DISP3: variants seen among roughly 807,000 people sequenced by gnomAD.
DISP3 encodes the protein dispatched RND transporter family member 3, also known as protein dispatched homolog 3.
A neutral mutation model predicts 135.3 loss-of-function variants in DISP3; 101 were observed. The ratio of observed to expected loss-of-function variants is 0.75; its 90% CI spans 0.64 to 0.88. The LOEUF is 0.88. Among genes scored for constraint, DISP3 ranks in the 40% least tolerant of loss-of-function variants. The pLI is 0.00. For synonymous variants in DISP3, 856 were observed against 817.0 expected, an observed-to-expected ratio of 1.05 and a Z score of -0.81; for missense variants, 1,713 against 1,878.6, an observed-to-expected ratio of 0.91 and a Z score of 1.63.
intron 3 of DISP3, among the ~76,000 whole-genome samples, chr1:11,512,849 A>G (rs942899414): frequency 6.6e-6 from 1 of 152,162 alleles, no homozygotes; most frequent in African/African-American, 2.4e-5. Context: ...GCTGGGGAGG[A>G]CTCAGAATCA....
At chr1:11,533,856 C>T (rs760401375) in intron 17 of DISP3, 1 of 717,682 alleles carries the variant, frequency 1.4e-6, no homozygotes, top group Admixed American at 2.0e-5. Context: ...CATTCATCAT[C>T]CATGAGCACC....
In DISP3 at chr1:11,523,884, G is replaced by C. The variant is rs1341047499; in HGVS notation, c.2363-58G>C. 9.8e-6 allele frequency: 14 copies of C among 1,433,472 alleles called. No homozygotes were observed. The South Asian group carries it at 1.6e-4, about 16-fold the overall frequency. The allele number at this position is 1,433,472 out of a possible 1,614,324, so 88.8% of individuals were successfully genotyped here. A position where few individuals can be genotyped will look rare whatever the true frequency, so the allele number is the denominator to read the frequency against. On this transcript the variant is annotated intron_variant, in intron 10 of 20. Coordinates refer to ENST00000294484, the MANE Select transcript of DISP3 (RefSeq NM_020780.2). The stretch of plus-strand genomic sequence containing the variant: ...TCCCAGCCTCTTCCCTCTGCCCATC[G>C]GGCCCAGGCCAGGATGTCCTGCTGT...
intron 1 of DISP3, among the ~76,000 whole-genome samples, chr1:11,495,086 C>T (rs1036722942): frequency 6.6e-6 from 1 of 152,130 alleles, no homozygotes; most frequent in African/African-American, 2.4e-5. Context: ...TGGCTTTTCT[C>T]TTCAACTTCA....
intron 3 of DISP3, among the ~76,000 whole-genome samples, chr1:11,513,861 T>C (rs949873509): frequency 3.3e-4 from 51 of 152,322 alleles, no homozygotes; most frequent in African/African-American, 1.2e-3. Flanking sequence ...AAGATAAATA[T>C]GGACTCCATC....
At position 11,529,839 on chromosome 1, in the gene DISP3, G is replaced by A. The variant is rs867455770; in HGVS notation, c.2982G>A (p.Thr994=). ...ATFGFNPCVN[T]GCGKPAVRPL... ...TCGGCTTCAACCCCTGCGTGAACACGGGCTGCGGGAAGCCGGCGGTGCGGC... is the reference window on the plus strand; with the variant it reads ...TCGGCTTCAACCCCTGCGTGAACACAGGCTGCGGGAAGCCGGCGGTGCGGC... The change falls in exon 15 of 21, where the codon ACG becomes ACA. Residue 994 remains threonine, a synonymous_variant. Transcript: ENST00000294484. The surrounding 1 kb of genome is among the most constrained non-coding windows in gnomAD (Gnocchi z 4.7). 2.2e-5 allele frequency: 35 copies of A among 1,613,988 alleles called. No individual in the cohort carries two copies. The Middle Eastern group carries it at 3.6e-3, about 167-fold the overall frequency.
Position 11,519,256 on chromosome 1 carries a change from C to CT in DISP3, c.1890-98dup. 7.2e-7 allele frequency: 1 copy of CT among 1,389,028 alleles called. No homozygotes were observed. Among genetic ancestry groups the CT allele is most frequent in the Non-Finnish European group, 9.9e-7 (1 of 1,009,710 alleles). The allele number at this position is 1,389,028 out of a possible 1,614,324, so 86.0% of individuals were successfully genotyped here. On this transcript the variant is annotated intron_variant, in intron 7 of 20. Coordinates refer to ENST00000294484, the MANE Select transcript of DISP3 (RefSeq NM_020780.2). The surrounding 1 kb of genome is among the most constrained non-coding windows in gnomAD (Gnocchi z 4.3). ...CATCCTGTGTGTGACGTCAGCAGCA[C>CT]TGTGATACCTGGGTTCATCTGATCC...
intron 1 of DISP3, among the ~76,000 whole-genome samples, chr1:11,498,146 A>C (rs1319408392): frequency 1.3e-5 from 2 of 152,270 alleles, no homozygotes; most frequent in Non-Finnish European, 2.9e-5. Flanking sequence ...CAATTGTTGC[A>C]GTTGCTATTG....
Position 11,519,406 on chromosome 1 carries a change from G to C in DISP3, c.1941G>C (p.Val647=). 1 of 1,613,830 alleles carries C rather than the reference G, an allele frequency of 6.2e-7. No individual in the cohort carries two copies. Among genetic ancestry groups the C allele is most frequent in the South Asian group, 1.1e-5 (1 of 91,080 alleles). ...RKTSLHFPGD[V]FAAPEQVGGS... is the part of the protein sequence containing the mutation. ...CCTCCCTGCACTTCCCCGGAGACGT[G>C]TTTGCCGCTCCCGAGCAGGTTGGAG... The change falls in exon 8 of 21, where the codon GTG becomes GTC. Residue 647 remains valine (V), a synonymous_variant. Transcript: ENST00000294484. This position sits in a 1 kb window ranked among gnomAD's most constrained non-coding sequence, Gnocchi z 4.3.
In DISP3 at chr1:11,499,981, AAG is replaced by A. The variant is rs918103067; in HGVS notation, c.-3-1008_-3-1007del. Among the ~76,000 whole-genome samples, 3 of 152,256 alleles carry A rather than the reference AAG, an allele frequency of 2.0e-5. No homozygotes were observed. The highest frequency in any genetic ancestry group is 7.2e-5 in the African/African-American group (3 of 41,472). ...CTCTGTCCAGAGGGCAGGCAGGACA[AAG>A]GGGATAGGCCATGCCGGGGATGCCG... On this transcript the variant is annotated intron_variant, in intron 1 of 20. Coordinates refer to ENST00000294484, the MANE Select transcript of DISP3 (RefSeq NM_020780.2). The surrounding 1 kb of genome is among the most constrained non-coding windows in gnomAD (Gnocchi z 5.2).
In DISP3 at chr1:11,525,660, C is replaced by A. The variant is rs546095354; in HGVS notation, c.2613+348C>A. ...GAGGGGTGTGAGGTGAGGCCTGTGC[C>A]GTGCAGAACGCCTGGGTGCAGTCCC... On this transcript the variant is annotated intron_variant, in intron 12 of 20. Transcript: ENST00000294484. Among the ~76,000 whole-genome samples, 3 of 152,372 alleles carry A rather than the reference C, an allele frequency of 2.0e-5. No homozygotes were observed. The East Asian group carries it at 5.8e-4, about 29-fold the overall frequency.
At chr1:11,493,032 C>T (rs1315323746) in intron 1 of DISP3, among the ~76,000 whole-genome samples, 3 of 152,180 alleles carry the variant, frequency 2.0e-5, no homozygotes, top group East Asian at 3.9e-4. Context: ...TTAGGGTTCT[C>T]CAGAAGAAAA....
At chr1:11,521,287 G>A (rs1642182292) in intron 10 of DISP3, among the ~76,000 whole-genome samples, 1 of 145,870 alleles carries the variant, frequency 6.9e-6, no homozygotes, top group African/African-American at 2.5e-5. Flanking sequence ...ACCAGGTGGG[G>A]AGGGGAAAGG....
At chr1:11,515,338 A>G (rs1417588652) in intron 4 of DISP3, 31 bp from the exon 5 acceptor site, 1 of 1,613,622 alleles carries the variant, frequency 6.2e-7, no homozygotes. Context: ...GGGTCCCCCC[A>G]CCGTCTCCCT....
Position 11,519,898 on chromosome 1 carries a change from C to T in DISP3, c.2200+18C>T. On this transcript the variant is annotated intron_variant, in intron 9 of 20. Transcript: ENST00000294484. The surrounding 1 kb of genome is among the most constrained non-coding windows in gnomAD (Gnocchi z 4.3). ...GATTGTGGGTAAGTGGGCCCTCCGG[C>T]CCTGCCCCCTGTCTCACAGCTCCAC... 6.3e-7 allele frequency: 1 copy of T among 1,592,264 alleles called. No individual in the cohort carries two copies.
At chr1:11,479,421 G>A (rs910991220) in intron 1 of DISP3, 49 bp downstream of exon 1, 1 of 152,738 alleles carries the variant, frequency 6.5e-6, no homozygotes, top group African/African-American at 2.4e-5. Context: ...TCGGGGCTGG[G>A]GGATGCATTG....
rs751102911 is a variant in DISP3 at position 11,531,554 on chromosome 1, T to C, written c.3230-11T>C. On this transcript the variant is annotated splice_polypyrimidine_tract_variant and intron_variant, in intron 16 of 20. Transcript: ENST00000294484. The surrounding 1 kb of genome is among the most constrained non-coding windows in gnomAD (Gnocchi z 5.2). ...GCCACCACGCACTCCCTTTCTTGCCTCTCCCCGCAGGCTACAGCATCTCCT... is the reference window on the plus strand; with the variant it reads ...GCCACCACGCACTCCCTTTCTTGCCCCTCCCCGCAGGCTACAGCATCTCCT... The C allele has an allele frequency of 1.2e-6, 2 of 1,613,230 alleles. No homozygotes were observed. The highest frequency in any genetic ancestry group is 2.2e-5 in the South Asian group (2 of 91,070).
intron 3 of DISP3, among the ~76,000 whole-genome samples, chr1:11,505,725 A>C (rs192370329): frequency 1.8e-4 from 27 of 152,310 alleles, no homozygotes; most frequent in Admixed American, 1.6e-3. Flanking sequence ...ATTGAGCTTC[A>C]ATTTTTTGCA....
Position 11,519,794 on chromosome 1 carries a change from G to A in DISP3, c.2114G>A (p.Ser705Asn). The change falls in exon 9 of 21, where the codon AGC (serine) becomes AAC (asparagine). Residue 705 changes from serine (S) to asparagine (N), a missense_variant. By Grantham distance (46) the Ser-to-Asn change is conservative. Around this residue, in one of 2 missense-constraint regions of DISP3, gnomAD observed 1,142 missense variants for 1,384.6 expected, o/e 0.82. Coordinates refer to ENST00000294484, the MANE Select transcript of DISP3 (RefSeq NM_020780.2). This position sits in a 1 kb window ranked among gnomAD's most constrained non-coding sequence, Gnocchi z 4.3. ...CTGCAGCCAGCCTCCAACACGGGCA[G>A]CCGCGGCCATCTCATCGTGCAGCTG... ...EGLQPASNTG[S>N]RGHLIVQLQE... 6.2e-7 allele frequency: 1 copy of A among 1,612,996 alleles called. No individual in the cohort carries two copies. The highest frequency in any genetic ancestry group is 1.1e-5 in the South Asian group (1 of 91,082).
chr1:11,519,619 G>A lies in DISP3; in HGVS notation c.2039-100G>A. On this transcript the variant is annotated intron_variant, in intron 8 of 20. Transcript: ENST00000294484. The surrounding 1 kb of genome is among the most constrained non-coding windows in gnomAD (Gnocchi z 4.3). ...GGCTGGGGGCCGGACAAGATGGCCT[G>A]TGGGCTTCCTCACCAGGCATCTGGG... 1 of 1,570,464 alleles carries A rather than the reference G, an allele frequency of 6.4e-7. No homozygotes were observed. The highest frequency in any genetic ancestry group is 8.6e-7 in the Non-Finnish European group (1 of 1,157,484).
Sources: allele counts gnomAD v4.1 joint callset (sites outside exome capture counted in the v4.1 genomes callset), GRCh38; gene constraint gnomAD v4.1.1; regional missense constraint gnomAD v4.1.1; non-coding constraint Gnocchi (gnomAD v3.1); transcripts MANE v1.5; gene names NCBI Gene and HGNC (gene_info 2026-07-23, HGNC 2026-07-21).